The following ATP1A2 variants were observed in gnomAD, a reference collection of about 807,000 sequenced individuals.
ATP1A2 encodes ATPase Na+/K+ transporting subunit alpha 2, also known as sodium/potassium-transporting ATPase subunit alpha-2.
In ATP1A2, 56 loss-of-function variants were observed where a neutral mutation model predicts 113.1. The ratio of observed to expected loss-of-function variants is 0.49; its 90% CI spans 0.40 to 0.62. ATP1A2 has a LOEUF of 0.62. ATP1A2 is among the 20% of genes least tolerant of loss of function. The pLI is 0.00. For missense variants in ATP1A2, 712 were observed against 1,357.8 expected (o/e 0.52, Z 7.47); for synonymous variants, 490 against 526.8 (o/e 0.93, Z 0.96).
chr1:160,137,416 C>T (rs577134416), intron 20 of ATP1A2, among the ~76,000 whole-genome samples: 2 of 152,178 alleles, frequency 1.3e-5, no homozygotes, highest in African/African-American at 2.4e-5. Context: ...CTGGAGGCCA[C>T]GTGCTGCCGA....
At chr1:160,125,359 G>A (rs1651554459) in intron 7 of ATP1A2, 106 bp downstream of exon 7, 4 of 1,098,804 alleles carry the variant, frequency 3.6e-6, no homozygotes, top group Non-Finnish European at 5.5e-6. Flanking sequence ...TGCCATTGGT[G>A]GGGCAATTGA....
rs762121770 is a variant in ATP1A2 at position 160,130,592 on chromosome 1, A to G, written c.1822A>G (p.Ile608Val). 2 of 1,614,052 alleles carry G rather than the reference A, an allele frequency of 1.2e-6. No homozygotes were observed. Among genetic ancestry groups the G allele is most frequent in the East Asian group, 2.2e-5 (1 of 44,896 alleles). The stretch of plus-strand genomic sequence containing the variant: ...TGTGGGCAAGTGCCGAAGCGCAGGC[A>G]TCAAGGTACTGGCCTCCCATCCTCC... The part of the protein sequence containing the change: ...DAVGKCRSAG[I>V]KVIMVTGDHP... Residue 608 changes from isoleucine to valine, a missense_variant, in exon 13 of 23, where the codon ATC becomes GTC. Around this residue, in one of 6 missense-constraint regions of ATP1A2, gnomAD observed 263 missense variants for 380.6 expected, o/e 0.69. Coordinates refer to ENST00000361216, the MANE Select transcript of ATP1A2 (RefSeq NM_000702.4).
Position 160,123,257 on chromosome 1 carries a change from G to C in ATP1A2, c.222G>C (p.Gly74=). Residue 74 remains glycine (G), a synonymous_variant, in exon 4 of 23, where the codon GGG becomes GGC. Transcript: ENST00000361216. ...CTCAGGACGTTCTGGCTCGAGATGG[G>C]CCCAACGCCCTCACACCACCTCCCA... ...QRAQDVLARD[G]PNALTPPPTT... The C allele has an allele frequency of 6.2e-7, 1 of 1,614,192 alleles. No homozygotes were observed. The highest frequency in any genetic ancestry group is 1.1e-5 in the South Asian group (1 of 91,082).
intron 3 of ATP1A2, 36 bp from the exon 4 acceptor site, chr1:160,123,177 G>C (rs201356663): frequency 1.2e-6 from 2 of 1,612,006 alleles, no homozygotes; most frequent in Non-Finnish European, 1.7e-6. Context: ...GGTTGGCTCC[G>C]GATGCGTGCC....
intron 13 of ATP1A2, among the ~76,000 whole-genome samples, chr1:160,133,101 T>C (rs774869977): frequency 5.9e-5 from 9 of 152,114 alleles, no homozygotes; most frequent in Non-Finnish European, 1.3e-4. Context: ...CCAAAGCCAC[T>C]GCTTCTTCCA....
chr1:160,118,405 T>G (rs1405400404), intron 1 of ATP1A2, among the ~76,000 whole-genome samples: 1 of 152,132 alleles, frequency 6.6e-6, no homozygotes, highest in East Asian at 1.9e-4. Context: ...CTCTGTTCCC[T>G]TGATTGCATT....
chr1:160,143,341 T>A lies in ATP1A2; in HGVS notation c.*2019T>A, dbSNP rs1652212362. ...ACAATCAATAAAAATGGCATTTTTT[T>A]AGTAAATTAAGAGCATAAACAATAT... On this transcript the variant is annotated 3_prime_UTR_variant, in exon 23 of 23. Coordinates refer to ENST00000361216, the MANE Select transcript of ATP1A2 (RefSeq NM_000702.4). The A allele has an allele frequency of 6.6e-6, 1 of 152,630 alleles. No homozygotes were observed. The highest frequency in any genetic ancestry group is 6.5e-5 in the Admixed American group (1 of 15,292). 9.5% of individuals were successfully genotyped at this position (152,630 alleles called of 1,614,324 possible).
intron 8 of ATP1A2, 80 bp downstream of exon 8, chr1:160,127,900 T>C (rs1570988068): frequency 1.3e-6 from 2 of 1,509,550 alleles, no homozygotes; most frequent in East Asian, 4.5e-5. Context: ...CAGTTGCTTG[T>C]AGCTTCTCAC....
At chr1:160,123,644 C>T (rs1224694645) in intron 4 of ATP1A2, among the ~76,000 whole-genome samples, 3 of 152,362 alleles carry the variant, frequency 2.0e-5, no homozygotes, top group East Asian at 1.9e-4. Flanking sequence ...ACAATCTCTC[C>T]CTGTTCCTCC....
At chr1:160,118,551 C>T (rs1201167347) in intron 1 of ATP1A2, among the ~76,000 whole-genome samples, 1 of 152,216 alleles carries the variant, frequency 6.6e-6, no homozygotes, top group Non-Finnish European at 1.5e-5. Flanking sequence ...TTCCCCACCC[C>T]TTCCATTGGG....
At chr1:160,127,874 C>T in intron 8 of ATP1A2, 54 bp downstream of exon 8, 1 of 1,534,580 alleles carries the variant, frequency 6.5e-7, no homozygotes. Flanking sequence ...ACTCTTTCCT[C>T]AGAGTGATAG....
chr1:160,115,780 A>G lies in ATP1A2; in HGVS notation c.-82A>G, dbSNP rs913496641. On this transcript the variant is annotated 5_prime_UTR_variant, in exon 1 of 23. Coordinates refer to ENST00000361216, the MANE Select transcript of ATP1A2 (RefSeq NM_000702.4). ...CTTTCTCTGTCTGCCAGGGTCTCCG[A>G]CTGTCCCAGACGGGCTGGTGTGGGC... 6.5e-7 allele frequency: 1 copy of G among 1,537,908 alleles called. No individual in the cohort carries two copies. The highest frequency in any genetic ancestry group is 1.2e-5 in the South Asian group (1 of 84,124).
intron 22 of ATP1A2, 113 bp downstream of exon 22, chr1:160,140,097 C>A: frequency 9.0e-7 from 1 of 1,110,208 alleles, no homozygotes; most frequent in Non-Finnish European, 1.3e-6. Context: ...TGTTCCTCAA[C>A]ACCCTCAGAT....
rs761882567 is a variant in ATP1A2, at chr1:160,129,421, C to G, written c.1461+21C>G. 9.3e-6 allele frequency: 15 copies of G among 1,610,144 alleles called. No individual in the cohort carries two copies. The South Asian group carries it at 1.3e-4, about 14-fold the overall frequency. ...ACCAGGTCTGCTTGGGTTGCCAGGA[C>G]AGAGGAAGAGAGAGGGATATAAATG... On this transcript the variant is annotated intron_variant, in intron 11 of 22. Transcript: ENST00000361216.
At position 160,115,759 on chromosome 1, in the gene ATP1A2, C is replaced by G; in HGVS notation, c.-103C>G. The G allele has an allele frequency of 1.4e-6, 2 of 1,458,562 alleles. No individual in the cohort carries two copies. Among genetic ancestry groups the G allele is most frequent in the South Asian group, 2.4e-5 (2 of 82,288 alleles). 90.4% of individuals were successfully genotyped at this position (1,458,562 alleles called of 1,614,324 possible). A position where few individuals can be genotyped will look rare whatever the true frequency, so the allele number is the denominator to read the frequency against. On this transcript the variant is annotated 5_prime_UTR_variant, in exon 1 of 23. Coordinates refer to ENST00000361216, the MANE Select transcript of ATP1A2 (RefSeq NM_000702.4). ...AAAGCTACCCTGTTGCTTTGGCTTT[C>G]TCTGTCTGCCAGGGTCTCCGACTGT... is the stretch of plus-strand genomic sequence containing the variant.
At chr1:160,129,156 C>A (rs545633334) in intron 10 of ATP1A2, 67 bp downstream of exon 10, 40 of 1,607,800 alleles carry the variant, frequency 2.5e-5, no homozygotes, top group Non-Finnish European at 3.1e-5. Context: ...CTGGCCCCAG[C>A]TTTCCTTCTC....
At chr1:160,136,776 G>A in intron 19 of ATP1A2, 61 bp downstream of exon 19, 1 of 1,614,092 alleles carries the variant, frequency 6.2e-7, no homozygotes, top group Non-Finnish European at 8.5e-7. Flanking sequence ...TGAATGCCTG[G>A]CAGGAGTGGC....
At chr1:160,119,837 AAAAAAAAAG>A (rs1651324226) in intron 1 of ATP1A2, among the ~76,000 whole-genome samples, 1 of 151,852 alleles carries the variant, frequency 6.6e-6, no homozygotes, top group Non-Finnish European at 1.5e-5. Context: ...TAAAAAAAAA[AAAAAAAAAG>A]AAAGAAAGAA....
chr1:160,139,585 G>A, intron 20 of ATP1A2, 55 bp from the exon 21 acceptor site: 1 of 1,507,114 alleles, frequency 6.6e-7, no homozygotes, highest in Non-Finnish European at 9.2e-7. Context: ...GGTATCCCAG[G>A]ATCTCTGCCT....
Sources: gnomAD v4.1 joint callset for allele counts (sites outside exome capture counted in the v4.1 genomes callset) on GRCh38, gnomAD v4.1.1 for gene constraint, gnomAD v4.1.1 regional missense constraint, MANE v1.5 for transcripts, NCBI Gene and HGNC (gene_info 2026-07-23, HGNC 2026-07-21) for gene names.